DGKH: variants seen among roughly 807,000 people sequenced by gnomAD.
The protein encoded by DGKH is diacylglycerol kinase eta, also known as DAG kinase eta.
DGKH carries 90 observed loss-of-function variants against 159.3 expected under a neutral mutation model. That is an observed-to-expected ratio of 0.57 (90% CI 0.48 to 0.67). The LOEUF is 0.67. Ranked by LOEUF, DGKH falls within the 30% of genes least tolerant of loss-of-function variation. The pLI, the probability that DGKH is intolerant of heterozygous loss-of-function variation, is 0.00. For missense variants in DGKH, 1,181 were observed against 1,506.1 expected (o/e 0.78, Z 3.57); for synonymous variants, 536 against 553.8 (o/e 0.97, Z 0.45).
chr13:42,141,024 G>GA (rs1955539570), intron 3 of DGKH, among the ~76,000 whole-genome samples: 1 of 8,020 alleles, frequency 1.2e-4, no homozygotes. Flanking sequence ...TTGGTGTGCT[G>GA]AACCCTCCTA....
chr13:42,062,415 A>C (rs1882246665), intron 1 of DGKH, among the ~76,000 whole-genome samples: 1 of 152,208 alleles, frequency 6.6e-6, no homozygotes, highest in Admixed American at 6.5e-5. Flanking sequence ...GAAGGCTAAT[A>C]TATAGAGTGA....
intron 3 of DGKH, among the ~76,000 whole-genome samples, chr13:42,141,746 G>A (rs929144745): frequency 1.3e-5 from 2 of 152,142 alleles, no homozygotes; most frequent in African/African-American, 4.8e-5. Context: ...TTGATGGGGT[G>A]TTTGTTTTTT....
At chr13:42,105,539 C>T (rs1332087473) in intron 1 of DGKH, among the ~76,000 whole-genome samples, 1 of 152,136 alleles carries the variant, frequency 6.6e-6, no homozygotes, top group Non-Finnish European at 1.5e-5. Context: ...GAATTATCTT[C>T]TCAAAGTCTG....
chr13:42,229,370 C>T lies in DGKH; in HGVS notation c.*182C>T, dbSNP rs1309371358. The T allele has an allele frequency of 3.7e-5, 20 of 540,862 alleles. No individual in the cohort carries two copies. Among genetic ancestry groups the T allele is most frequent in the South Asian group, 1.4e-4 (6 of 41,816 alleles). The allele number at this position is 540,862 out of a possible 1,614,324, so 33.5% of individuals were successfully genotyped here. A position where few individuals can be genotyped will look rare whatever the true frequency, so the allele number is the denominator to read the frequency against. On this transcript the variant is annotated 3_prime_UTR_variant, in exon 30 of 30. Coordinates refer to ENST00000337343, the MANE Select transcript of DGKH (RefSeq NM_178009.5). Reference sequence around the variant, plus strand: ...GAGGTATTAGAAAATATTTTTGTGCCGAACAATACATTCCACAAAGCCATT... The same window carrying T: ...GAGGTATTAGAAAATATTTTTGTGCTGAACAATACATTCCACAAAGCCATT...
chr13:42,145,021 G>A (rs1239740500), intron 3 of DGKH, among the ~76,000 whole-genome samples: 1 of 152,194 alleles, frequency 6.6e-6, no homozygotes, highest in East Asian at 1.9e-4. Context: ...TAGGTTGATT[G>A]TCTTTAATGG....
intron 29 of DGKH, among the ~76,000 whole-genome samples, chr13:42,248,587 T>C (rs1958598894): frequency 6.8e-6 from 1 of 147,486 alleles, no homozygotes; most frequent in South Asian, 2.1e-4. Flanking sequence ...AAATAATTTA[T>C]AATTTCAATG....
At chr13:42,181,848 T>G (rs1449599319) in intron 13 of DGKH, 49 of 111,278 alleles carry the variant, frequency 4.4e-4, no homozygotes, top group South Asian at 1.2e-3. Context: ...TGCTGGCAGC[T>G]GAGCTGCTGG....
chr13:42,207,122 TCTCCTTCCTTCC>T (rs1957516929), intron 21 of DGKH, among the ~76,000 whole-genome samples: 1 of 49,594 alleles, frequency 2.0e-5, no homozygotes, highest in Non-Finnish European at 4.6e-5. Flanking sequence ...TCTCTTTCTC[TCTCCTTCCTTCC>T]TTCCTTCCTT....
In DGKH at chr13:42,138,147, A is replaced by G. The variant is rs184957660; in HGVS notation, c.384+8515A>G. 8 of 981,568 alleles carry G rather than the reference A, an allele frequency of 8.2e-6. No homozygotes were observed. In the Admixed American group the frequency reaches 4.9e-4, roughly 60 times the overall value. The allele number at this position is 981,568 out of a possible 1,614,324, so 60.8% of individuals were successfully genotyped here. A position where few individuals can be genotyped will look rare whatever the true frequency, so the allele number is the denominator to read the frequency against. The stretch of plus-strand genomic sequence containing the variant: ...CTTTAGGTGCTGAAATGAATTTCTC[A>G]AGGTTAGATGGCTAATAGCAGGGCA... On this transcript the variant is annotated intron_variant, in intron 3 of 29. Transcript: ENST00000337343.
intron 1 of DGKH, among the ~76,000 whole-genome samples, chr13:42,071,525 TG>T (rs1409659375): frequency 6.6e-6 from 1 of 152,264 alleles, no homozygotes; most frequent in Admixed American, 6.5e-5. Context: ...CATTCAGTGT[TG>T]GACTGGTCCT....
chr13:42,131,908 A>G (rs1394177250), intron 3 of DGKH, among the ~76,000 whole-genome samples: 1 of 152,224 alleles, frequency 6.6e-6, no homozygotes, highest in Non-Finnish European at 1.5e-5. Context: ...CACTAAATGC[A>G]GAGCTTCTGA....
In DGKH at chr13:42,144,245, A is replaced by G. The variant is rs553854771; in HGVS notation, c.385-11046A>G. ...AACTATACCTGTTAAGAAATAAGGT[A>G]TAGTAGGGAGGCATGGTGCTCAAAC... is the stretch of plus-strand genomic sequence containing the variant. On this transcript the variant is annotated intron_variant, in intron 3 of 29. Coordinates refer to ENST00000337343, the MANE Select transcript of DGKH (RefSeq NM_178009.5). Among the ~76,000 whole-genome samples, 25 of 152,304 alleles carry G rather than the reference A, an allele frequency of 1.6e-4. No homozygotes were observed. In the South Asian group the frequency reaches 5.2e-3, roughly 32 times the overall value.
chr13:42,089,240 C>T (rs1313918979), intron 1 of DGKH, among the ~76,000 whole-genome samples: 1 of 152,140 alleles, frequency 6.6e-6, no homozygotes, highest in African/African-American at 2.4e-5. Context: ...TTGACTGGAA[C>T]ATCATTAACT....
chr13:42,190,410 T>A lies in DGKH; in HGVS notation c.1920T>A (p.Asp640Glu). 2 of 1,606,324 alleles carry A rather than the reference T, an allele frequency of 1.2e-6. No homozygotes were observed. Among genetic ancestry groups the A allele is most frequent in the Non-Finnish European group, 1.7e-6 (2 of 1,177,704 alleles). ...QVIEEAGKVM[D>E]DPTVHPCEPA... ...TCTTCTTACTACCTGAAGTTATGGA[T>A]GACCCGACAGTTCACCCCTGTGAAC... Residue 640 changes from aspartate (D) to glutamate (E), a missense_variant, in exon 16 of 30, where the codon GAT (aspartate) becomes GAA (glutamate). Asp to Glu is a conservative substitution (Grantham distance 45). This residue lies in a region of DGKH where 257 missense variants were observed against 281.5 expected (regional missense o/e 0.91). Transcript: ENST00000337343.
At chr13:42,222,829 A>G (rs951721489) in intron 29 of DGKH, among the ~76,000 whole-genome samples, 1 of 152,196 alleles carries the variant, frequency 6.6e-6, no homozygotes, top group East Asian at 1.9e-4. Flanking sequence ...TGTACGTGTT[A>G]TATATATACA....
chr13:42,089,940 AAAAC>A (rs1954384231), intron 1 of DGKH, among the ~76,000 whole-genome samples: 1 of 152,226 alleles, frequency 6.6e-6, no homozygotes. Flanking sequence ...AATTAGAAAA[AAAAC>A]AAACCCCAGA....
intron 6 of DGKH, 134 bp from the exon 7 acceptor site, chr13:42,159,876 TG>T: frequency 8.0e-7 from 1 of 1,250,714 alleles, no homozygotes; most frequent in Non-Finnish European, 1.1e-6. Context: ...TCAATAAACG[TG>T]GGGTAAATGA....
intron 1 of DGKH, among the ~76,000 whole-genome samples, chr13:42,056,704 G>T (rs566536749): frequency 1.3e-5 from 2 of 152,088 alleles, no homozygotes. Context: ...CCTTGCTTTC[G>T]GTAGCCCTGT....
chr13:42,141,424 G>T (rs564313792), intron 3 of DGKH, among the ~76,000 whole-genome samples: 4 of 152,242 alleles, frequency 2.6e-5, no homozygotes, highest in African/African-American at 4.8e-5. Context: ...CCAGTAATGG[G>T]ATGGCTGGGT....
Sources: allele counts gnomAD v4.1 joint callset (sites outside exome capture counted in the v4.1 genomes callset), GRCh38; gene constraint gnomAD v4.1.1; regional missense constraint gnomAD v4.1.1; transcripts MANE v1.5; gene names NCBI Gene and HGNC (gene_info 2026-07-23, HGNC 2026-07-21).